The following GPR158 variants were observed in gnomAD, a reference collection of about 807,000 sequenced individuals.
The protein encoded by GPR158 is G protein-coupled receptor 158.
In GPR158, 30 loss-of-function variants were observed where a neutral mutation model predicts 78.2. The observed-to-expected ratio is 0.38, with a 90% CI of 0.29 to 0.52. The LOEUF (loss-of-function observed/expected upper bound fraction) is 0.52. GPR158 is among the 20% of genes least tolerant of loss of function. The probability of loss-of-function intolerance (pLI) is 0.83; values close to 1 mark genes in which losing one functional copy is unlikely to be tolerated. For missense variants in GPR158, 1,463 were observed against 1,523.5 expected, an observed-to-expected ratio of 0.96 and a Z score of 0.66; for synonymous variants, 581 against 591.1, an observed-to-expected ratio of 0.98 and a Z score of 0.25.
chr10:25,488,965 A>G (rs1469356250), intron 5 of GPR158, among the ~76,000 whole-genome samples: 1 of 152,138 alleles, frequency 6.6e-6, no homozygotes, highest in Non-Finnish European at 1.5e-5. Context: ...ATTTTACTCT[A>G]GGATGCATTA....
chr10:25,379,925 A>G (rs1365889428), intron 2 of GPR158, among the ~76,000 whole-genome samples: 1 of 150,106 alleles, frequency 6.7e-6, no homozygotes, highest in Admixed American at 6.6e-5. Flanking sequence ...TGGTCCCTCC[A>G]TTTTGGCTTC....
intron 2 of GPR158, among the ~76,000 whole-genome samples, chr10:25,295,284 G>A (rs1683450132): frequency 1.3e-5 from 2 of 152,140 alleles, no homozygotes; most frequent in Non-Finnish European, 2.9e-5. Context: ...GTCTTATGTG[G>A]TCTCCTAGCT....
intron 2 of GPR158, among the ~76,000 whole-genome samples, chr10:25,291,385 A>C (rs577285039): frequency 6.6e-6 from 1 of 152,178 alleles, no homozygotes; most frequent in South Asian, 2.1e-4. Context: ...AAAACATATC[A>C]GTTGTTTAGG....
intron 2 of GPR158, among the ~76,000 whole-genome samples, chr10:25,321,727 A>AT (rs533816394): frequency 1.8e-4 from 27 of 151,002 alleles, no homozygotes; most frequent in African/African-American, 4.4e-4. Flanking sequence ...TTGGCCATCC[A>AT]TTTTTTTTTC....
chr10:25,461,100 C>T (rs981756451), intron 4 of GPR158, among the ~76,000 whole-genome samples: 7 of 152,166 alleles, frequency 4.6e-5, no homozygotes, highest in Non-Finnish European at 8.8e-5. Flanking sequence ...TTCCCTGAGA[C>T]ATAACAATGT....
chr10:25,371,587 G>C (rs1299025615), intron 2 of GPR158, among the ~76,000 whole-genome samples: 7 of 145,664 alleles, frequency 4.8e-5, no homozygotes, highest in Admixed American at 1.4e-4. Flanking sequence ...ACAAACCTGA[G>C]AAAAACAAGC....
intron 2 of GPR158, among the ~76,000 whole-genome samples, chr10:25,338,909 G>T (rs1236729065): frequency 6.6e-6 from 1 of 150,924 alleles, no homozygotes; most frequent in African/African-American, 2.4e-5. Context: ...CATTTATTTT[G>T]ATTTCCTTTA....
chr10:25,288,277 A>G (rs909867328), intron 2 of GPR158, among the ~76,000 whole-genome samples: 1 of 152,118 alleles, frequency 6.6e-6, no homozygotes, highest in Non-Finnish European at 1.5e-5. Context: ...TCACTTCCCA[A>G]ATAAAAGTAT....
chr10:25,539,251 G>A (rs988998749), intron 5 of GPR158, among the ~76,000 whole-genome samples: 1 of 152,152 alleles, frequency 6.6e-6, no homozygotes, highest in Non-Finnish European at 1.5e-5. Context: ...CATGACCAAG[G>A]ATTTTTTAAA....
At chr10:25,458,391 A>G (rs1835317907) in intron 4 of GPR158, among the ~76,000 whole-genome samples, 1 of 152,222 alleles carries the variant, frequency 6.6e-6, no homozygotes. Context: ...ATTATTACAT[A>G]TTCTGTTCTT....
intron 4 of GPR158, among the ~76,000 whole-genome samples, chr10:25,439,996 C>T (rs1835047451): frequency 6.6e-6 from 1 of 152,140 alleles, no homozygotes; most frequent in Non-Finnish European, 1.5e-5. Context: ...TCCATCTTAT[C>T]TTCCCCTTTC....
chr10:25,264,009 G>A (rs1034357068), intron 2 of GPR158, among the ~76,000 whole-genome samples: 1 of 152,042 alleles, frequency 6.6e-6, no homozygotes, highest in Non-Finnish European at 1.5e-5. Context: ...TTTTTTTATT[G>A]GATCTTTAGG....
intron 2 of GPR158, among the ~76,000 whole-genome samples, chr10:25,241,272 CTTTCTTTCTTTCTTTTCT>C (rs1564399517): frequency 6.8e-5 from 4 of 59,176 alleles, no homozygotes; most frequent in Non-Finnish European, 7.2e-5. Context: ...TCTTTCTTTC[CTTTCTTTCTTTCTTTTCT>C]TTTCTTTTCT....
chr10:25,515,624 G>A lies in GPR158; in HGVS notation c.1405-35352G>A, dbSNP rs1165100592. Among the ~76,000 whole-genome samples the A allele has an allele frequency of 2.1e-3, 300 of 140,808 alleles. 3 individuals carry two copies. Among genetic ancestry groups the A allele is most frequent in the East Asian group, 1.5e-3 (7 of 4,616 alleles). 92.4% of individuals were successfully genotyped at this position (140,808 alleles called of 152,430 possible). On this transcript the variant is annotated intron_variant, in intron 5 of 10. Coordinates refer to ENST00000376351, the MANE Select transcript of GPR158 (RefSeq NM_020752.3). ...TATGAGTGAGAATATGCGGTGTTTG[G>A]TTTTTTGTTCTTGTGATAGTTTACT...
At chr10:25,521,354 C>T (rs1836270211) in intron 5 of GPR158, among the ~76,000 whole-genome samples, 1 of 152,160 alleles carries the variant, frequency 6.6e-6, no homozygotes, top group African/African-American at 2.4e-5. Flanking sequence ...AGCTGTAGGC[C>T]GGAGCTGTTC....
At chr10:25,575,686 C>T (rs186655741) in intron 7 of GPR158, among the ~76,000 whole-genome samples, 1 of 152,266 alleles carries the variant, frequency 6.6e-6, no homozygotes, top group African/African-American at 2.4e-5. Flanking sequence ...TTCATTCTTA[C>T]TGTTCCCCGA....
chr10:25,389,223 G>A (rs1293287600), intron 2 of GPR158, among the ~76,000 whole-genome samples: 1 of 152,168 alleles, frequency 6.6e-6, no homozygotes, highest in Admixed American at 6.5e-5. Flanking sequence ...CAATGGACAT[G>A]TACTTCCTCC....
intron 5 of GPR158, among the ~76,000 whole-genome samples, chr10:25,531,775 T>C (rs76461558): frequency 0.025 from 3,827 of 152,334 alleles, 72 homozygotes; most frequent in African/African-American, 0.052. Flanking sequence ...TAGTTGTCAG[T>C]GCTTTCACAT....
intron 2 of GPR158, among the ~76,000 whole-genome samples, chr10:25,226,388 G>T (rs137973314): frequency 4.6e-5 from 7 of 152,290 alleles, no homozygotes; most frequent in African/African-American, 1.7e-4. Flanking sequence ...AAATCCCTGA[G>T]TTTCCTTGTA....
Sources: gnomAD v4.1 joint callset for allele counts (sites outside exome capture counted in the v4.1 genomes callset) on GRCh38, gnomAD v4.1.1 for gene constraint, MANE v1.5 for transcripts, NCBI Gene and HGNC (gene_info 2026-07-23, HGNC 2026-07-21) for gene names.